Variants in TFRC observed in about 807,000 individuals in gnomAD.
The protein encoded by TFRC is transferrin receptor protein 1.
A neutral mutation model predicts 85.8 loss-of-function variants in TFRC; 35 were observed. The ratio of observed to expected loss-of-function variants is 0.41; its 90% CI spans 0.31 to 0.54. The LOEUF is 0.54. Among genes scored for constraint, TFRC ranks in the 20% least tolerant of loss-of-function variants. The pLI, the probability that TFRC is intolerant of heterozygous loss-of-function variation, is 0.31. For missense variants in TFRC, 828 were observed against 921.5 expected, an observed-to-expected ratio of 0.90 and a Z score of 1.31; for synonymous variants, 362 against 328.6, an observed-to-expected ratio of 1.10 and a Z score of -1.10.
In TFRC at chr3:196,077,247, T is replaced by C. The variant is rs1003888924; in HGVS notation, c.-23-125A>G. 10 of 635,690 alleles carry C rather than the reference T, an allele frequency of 1.6e-5. No individual in the cohort carries two copies. In the African/African-American group the frequency reaches 1.6e-4, roughly 10 times the overall value. 39.4% of individuals were successfully genotyped at this position (635,690 alleles called of 1,614,324 possible). On this transcript the variant is annotated intron_variant, in intron 1 of 18. Transcript: ENST00000360110. ...CATTATCACTTTTCTAGAAAAGGTA[T>C]TTAACCATAGTTTACATGACAACTA...
intron 14 of TFRC, among the ~76,000 whole-genome samples, chr3:196,059,935 G>A (rs1405704585): frequency 2.0e-5 from 3 of 152,062 alleles, no homozygotes; most frequent in Non-Finnish European, 4.4e-5. Flanking sequence ...GTGGGCCCCT[G>A]CACTACAGCT....
At chr3:196,056,155 T>C (rs780302013) in intron 16 of TFRC, among the ~76,000 whole-genome samples, 4 of 152,092 alleles carry the variant, frequency 2.6e-5, no homozygotes, top group Middle Eastern at 3.4e-3. Context: ...TGCCTCAGCC[T>C]CCCAAGGAGT....
chr3:196,065,425 G>GGC lies in TFRC; in HGVS notation c.1198+17_1198+18insGC. Reference sequence around the variant, plus strand: ...ACAAAAAAAAAGCGGGGCGGGGGGGGGGGGGGGCGGTCTTTACCTGGTTCT... The same window carrying GGC: ...ACAAAAAAAAAGCGGGGCGGGGGGGGGCGGGGGGGCGGTCTTTACCTGGTTCT... On this transcript the variant is annotated intron_variant, in intron 10 of 18. Transcript: ENST00000360110. The GGC allele has an allele frequency of 1.4e-6, 1 of 702,258 alleles. No individual in the cohort carries two copies. Among genetic ancestry groups the GGC allele is most frequent in the Non-Finnish European group, 1.9e-6 (1 of 519,062 alleles). 43.5% of individuals were successfully genotyped at this position (702,258 alleles called of 1,614,324 possible). A position where few individuals can be genotyped will look rare whatever the true frequency, so the allele number is the denominator to read the frequency against.
chr3:196,061,571 C>A (rs537650142), intron 13 of TFRC, among the ~76,000 whole-genome samples: 16 of 152,158 alleles, frequency 1.1e-4, no homozygotes, highest in African/African-American at 3.4e-4. Flanking sequence ...CTCACTGCAA[C>A]CTCTGCCTCC....
chr3:196,052,182 C>T lies in TFRC; in HGVS notation c.2043G>A (p.Val681=), dbSNP rs1560063705. Residue 681 remains valine, a splice_region_variant and synonymous_variant, in exon 19 of 19, where the codon GTG becomes GTA. Transcript: ENST00000360110. ...CGTAGGGAGAGAGGAAGTGATACTC[C>T]ACCTACGAAAACAACACACAAGGCA... ...MKKLNDRVMR[V]EYHFLSPYVS... 1.2e-6 allele frequency: 2 copies of T among 1,613,250 alleles called. No individual in the cohort carries two copies. Among genetic ancestry groups the T allele is most frequent in the Non-Finnish European group, 1.7e-6 (2 of 1,179,570 alleles).
At chr3:196,073,699 A>C (rs985920019) in intron 4 of TFRC, among the ~76,000 whole-genome samples, 3 of 152,204 alleles carry the variant, frequency 2.0e-5, no homozygotes, top group Admixed American at 1.3e-4. Flanking sequence ...GAAAACATCA[A>C]GGGCCTATTA....
Position 196,069,447 on chromosome 3 carries a change from A to C in TFRC, c.801+8T>G. 6.6e-7 allele frequency: 1 copy of C among 1,519,970 alleles called. No individual in the cohort carries two copies. The highest frequency in any genetic ancestry group is 9.1e-7 in the Non-Finnish European group (1 of 1,096,776). 94.2% of individuals were successfully genotyped at this position (1,519,970 alleles called of 1,614,324 possible). On this transcript the variant is annotated splice_region_variant and intron_variant, in intron 7 of 18. Coordinates refer to ENST00000360110, the MANE Select transcript of TFRC (RefSeq NM_001128148.3). ...ACTGTATTTAATATTATAATAACTC[A>C]TACTCACCTTTTCTGCAAAGGTGAT...
chr3:196,053,351 A>T, intron 18 of TFRC, 67 bp downstream of exon 18: 2 of 1,571,422 alleles, frequency 1.3e-6, no homozygotes, highest in Admixed American at 1.7e-5. Flanking sequence ...TCCACTTTGC[A>T]GAAGTGTAAG....
At chr3:196,055,361 T>C (rs1716693118) in intron 16 of TFRC, 60 bp from the exon 17 acceptor site, 2 of 1,452,836 alleles carry the variant, frequency 1.4e-6, no homozygotes, top group Non-Finnish European at 1.9e-6. Context: ...AGCCTCACAT[T>C]CTGGCTTCGC....
At chr3:196,063,302 C>T (rs2108644486) in intron 11 of TFRC, 1 of 158,376 alleles carries the variant, frequency 6.3e-6, no homozygotes, top group East Asian at 1.8e-4. Flanking sequence ...CATGATGATG[C>T]ACATCTTGAG....
chr3:196,076,835 G>A (rs144216120), intron 2 of TFRC, among the ~76,000 whole-genome samples: 6 of 152,052 alleles, frequency 3.9e-5, no homozygotes, highest in African/African-American at 2.4e-5. Flanking sequence ...AGCTGTCCCC[G>A]TCTACCACAC....
Position 196,064,361 on chromosome 3 carries a change from G to C in TFRC, c.1266C>G (p.Gly422=). 6.2e-7 allele frequency: 1 copy of C among 1,613,814 alleles called. No individual in the cohort carries two copies. Among genetic ancestry groups the C allele is most frequent in the Non-Finnish European group, 8.5e-7 (1 of 1,179,914 alleles). Residue 422 remains glycine (G), a synonymous_variant, in exon 11 of 19, where the codon GGC becomes GGG. Coordinates refer to ENST00000360110, the MANE Select transcript of TFRC (RefSeq NM_001128148.3). ...WGPGAAKSGV[G]TALLLKLAQM... ...GGGCAAGTTTCAATAGGAGAGCTGT[G>C]CCTACACCGGATTTTGCAGCTCCAG... is the stretch of plus-strand genomic sequence containing the variant.
chr3:196,053,521 C>T lies in TFRC; in HGVS notation c.1937G>A (p.Arg646His). 1.9e-6 allele frequency: 3 copies of T among 1,614,196 alleles called. No homozygotes were observed. Among genetic ancestry groups the T allele is most frequent in the Non-Finnish European group, 2.5e-6 (3 of 1,180,034 alleles). The change falls in exon 18 of 19, where the codon CGT becomes CAT. Residue 646 changes from arginine (R) to histidine (H), a missense_variant. Coordinates refer to ENST00000360110, the MANE Select transcript of TFRC (RefSeq NM_001128148.3). ...GGAAGTAGCACGGAAGAAGTCTCCA[C>T]GAGCAGAATACAGCCACTGTAAACT... The part of the protein sequence containing the change: ...GLSLQWLYSA[R>H]GDFFRATSRL...
intron 17 of TFRC, among the ~76,000 whole-genome samples, chr3:196,054,625 C>T (rs540450036): frequency 6.6e-6 from 1 of 152,336 alleles, no homozygotes; most frequent in African/African-American, 2.4e-5. Context: ...GCAGAAGTAG[C>T]TGGGGCTACG....
chr3:196,075,648 C>G (rs1436920580), intron 2 of TFRC, among the ~76,000 whole-genome samples: 1 of 151,892 alleles, frequency 6.6e-6, no homozygotes, highest in African/African-American at 2.4e-5. Context: ...ACTGCAGCCT[C>G]AAAATCCTGG....
In TFRC at chr3:196,049,359, A is replaced by T. The variant is rs1238716745; in HGVS notation, c.*2583T>A. 1.0e-5 allele frequency: 2 copies of T among 196,888 alleles called. No individual in the cohort carries two copies. The highest frequency in any genetic ancestry group is 2.3e-5 in the African/African-American group (1 of 43,268). 12.2% of individuals were successfully genotyped at this position (196,888 alleles called of 1,614,324 possible). On this transcript the variant is annotated 3_prime_UTR_variant, in exon 19 of 19. Coordinates refer to ENST00000360110, the MANE Select transcript of TFRC (RefSeq NM_001128148.3). ...CACATAACAGCTTTTATACAATGAT[A>T]AGGACATATCATTTGTTTACAAAGA...
At chr3:196,061,650 C>T (rs41297471) in intron 13 of TFRC, among the ~76,000 whole-genome samples, 1,651 of 152,218 alleles carry the variant, frequency 0.011, 29 homozygotes, top group African/African-American at 0.038. Context: ...CCACCACACC[C>T]GGCTAATTTT....
At chr3:196,062,249 A>C (rs1182047467) in intron 13 of TFRC, 2 of 261,122 alleles carry the variant, frequency 7.7e-6, no homozygotes, top group Non-Finnish European at 7.3e-6. Context: ...TCCACTTCAA[A>C]GTAGTTTATC....
chr3:196,058,542 A>G, intron 15 of TFRC, 32 bp downstream of exon 15: 1 of 1,597,198 alleles, frequency 6.3e-7, no homozygotes, highest in Non-Finnish European at 8.5e-7. Flanking sequence ...CTGCTTTTCT[A>G]TTAGTTTGTT....
Sources: gnomAD v4.1 joint callset for allele counts (sites outside exome capture counted in the v4.1 genomes callset) on GRCh38, gnomAD v4.1.1 for gene constraint, MANE v1.5 for transcripts, NCBI Gene and HGNC (gene_info 2026-07-23, HGNC 2026-07-21) for gene names.